The following SPOP variants were observed in gnomAD, a reference collection of about 807,000 sequenced individuals.
SPOP encodes speckle type BTB/POZ protein, also known as speckle-type POZ protein.
Under a neutral mutation model 45.6 loss-of-function variants are expected in SPOP, and 11 were observed. That is an observed-to-expected ratio of 0.24 (90% CI 0.15 to 0.40). The LOEUF is 0.40. Among genes scored for constraint, SPOP ranks in the 10% least tolerant of loss-of-function variants. The probability of loss-of-function intolerance (pLI) is 1.00; values close to 1 mark genes in which losing one functional copy is unlikely to be tolerated. For missense variants in SPOP, 152 were observed against 465.6 expected (o/e 0.33, Z 6.20); for synonymous variants, 166 against 166.3 (o/e 1.00, Z 0.01).
In SPOP at chr17:49,663,614, A is replaced by C. The variant is rs72837293; in HGVS notation, c.-67+14319T>G. ...TCTGTAAAAAAACTGGGAAGTATGC[A>C]TAAAGCACTTCTGCAAGATACTCAA... On this transcript the variant is annotated intron_variant, in intron 1 of 9. Transcript: ENST00000504102. 9.7e-3 allele frequency among the ~76,000 whole-genome samples: 1,482 copies of C among 152,362 alleles called. 10 individuals are homozygous for C. Among genetic ancestry groups the C allele is most frequent in the African/African-American group, 0.019 (774 of 41,588 alleles).
At chr17:49,666,791 G>A (rs2073065378) in intron 1 of SPOP, among the ~76,000 whole-genome samples, 1 of 152,074 alleles carries the variant, frequency 6.6e-6, no homozygotes, top group African/African-American at 2.4e-5. Flanking sequence ...TCGCACCACT[G>A]CAACTCCAGC....
chr17:49,631,064 T>G (rs1269124157), intron 1 of SPOP, among the ~76,000 whole-genome samples: 1 of 152,244 alleles, frequency 6.6e-6, no homozygotes, highest in Non-Finnish European at 1.5e-5. Flanking sequence ...ACAATCTCTG[T>G]GAAGGGCAAT....
intron 1 of SPOP, among the ~76,000 whole-genome samples, chr17:49,639,856 T>C (rs1426093242): frequency 6.6e-6 from 1 of 151,846 alleles, no homozygotes; most frequent in East Asian, 1.9e-4. Flanking sequence ...CAATGATATA[T>C]TTCTAGGTCT....
At chr17:49,605,004 A>G (rs1426184425) in intron 8 of SPOP, among the ~76,000 whole-genome samples, 2 of 152,148 alleles carry the variant, frequency 1.3e-5, no homozygotes, top group Non-Finnish European at 2.9e-5. Context: ...GATAGCAACT[A>G]TTTGTCTTGG....
intron 1 of SPOP, among the ~76,000 whole-genome samples, chr17:49,623,878 C>T (rs1416071737): frequency 6.6e-6 from 1 of 152,062 alleles, no homozygotes; most frequent in East Asian, 1.9e-4. Context: ...TTCTCTGTGT[C>T]AATTTTTTGT....
At chr17:49,637,667 A>G (rs2143411915) in intron 1 of SPOP, among the ~76,000 whole-genome samples, 1 of 152,144 alleles carries the variant, frequency 6.6e-6, no homozygotes. Flanking sequence ...TAGTTCTTCT[A>G]ATAAACTGAC....
chr17:49,665,324 C>T (rs1317895559), intron 1 of SPOP, among the ~76,000 whole-genome samples: 1 of 151,922 alleles, frequency 6.6e-6, no homozygotes, highest in Admixed American at 6.6e-5. Flanking sequence ...TTAAAATATA[C>T]CAATTTGGGG....
chr17:49,640,018 G>C (rs1044664829), intron 1 of SPOP, among the ~76,000 whole-genome samples: 1 of 152,172 alleles, frequency 6.6e-6, no homozygotes, highest in Non-Finnish European at 1.5e-5. Flanking sequence ...GGGAGGCTGA[G>C]GAGGGAGGAT....
chr17:49,632,271 T>C (rs2072464614), intron 1 of SPOP, among the ~76,000 whole-genome samples: 2 of 152,168 alleles, frequency 1.3e-5, no homozygotes, highest in African/African-American at 2.4e-5. Flanking sequence ...ATTGAGTACA[T>C]TACAAAACTA....
chr17:49,623,518 T>G (rs1464396592), intron 1 of SPOP, among the ~76,000 whole-genome samples: 1 of 152,186 alleles, frequency 6.6e-6, no homozygotes, highest in African/African-American at 2.4e-5. Context: ...TGCCATGGGC[T>G]CCTTCCTTTG....
intron 3 of SPOP, chr17:49,620,605 A>G (rs534479290): frequency 6.5e-6 from 1 of 154,336 alleles, no homozygotes; most frequent in Admixed American, 6.5e-5. Context: ...CACAGACAAA[A>G]GTAAATTATC....
intron 5 of SPOP, 130 bp from the exon 6 acceptor site, chr17:49,611,587 C>A (rs1002672636): frequency 3.7e-6 from 3 of 817,196 alleles, no homozygotes; most frequent in Middle Eastern, 3.3e-4. Flanking sequence ...CTTGAAACCA[C>A]CTCCACAAAT....
chr17:49,638,861 A>T (rs1430755449), intron 1 of SPOP, among the ~76,000 whole-genome samples: 1 of 152,072 alleles, frequency 6.6e-6, no homozygotes. Context: ...AAAATAACAA[A>T]AGTTAGCCAG....
intron 1 of SPOP, among the ~76,000 whole-genome samples, chr17:49,656,286 T>C (rs1345763152): frequency 2.0e-5 from 3 of 152,226 alleles, no homozygotes; most frequent in Non-Finnish European, 4.4e-5. Flanking sequence ...GATCATTATT[T>C]AAATAATCCA....
At chr17:49,621,535 T>G (rs2072221735) in intron 3 of SPOP, among the ~76,000 whole-genome samples, 1 of 152,224 alleles carries the variant, frequency 6.6e-6, no homozygotes, top group Non-Finnish European at 1.5e-5. Flanking sequence ...TTTCTTGCTT[T>G]TCTTGAAAAA....
intron 1 of SPOP, among the ~76,000 whole-genome samples, chr17:49,651,471 A>C (rs2072842236): frequency 6.6e-6 from 1 of 152,232 alleles, no homozygotes; most frequent in African/African-American, 2.4e-5. Context: ...GGAGTTACAA[A>C]GATAAATTTG....
At position 49,619,702 on chromosome 17, in the gene SPOP, T is replaced by A. The variant is rs1205655653; in HGVS notation, c.201-317A>T. On this transcript the variant is annotated intron_variant, in intron 3 of 9. Transcript: ENST00000504102. This position sits in a 1 kb window ranked among gnomAD's most constrained non-coding sequence, Gnocchi z 4.9. ...ATGTGCACCACCATGGCCAGCTAAT[T>A]TTTGTAGAGATGGGGTTTCGCCATA... 1.3e-5 allele frequency among the ~76,000 whole-genome samples: 2 copies of A among 152,044 alleles called. No homozygotes were observed. Among genetic ancestry groups the A allele is most frequent in the Non-Finnish European group, 2.9e-5 (2 of 68,000 alleles).
At chr17:49,620,611 T>C (rs1406461114) in intron 3 of SPOP, 1 of 153,970 alleles carries the variant, frequency 6.5e-6, no homozygotes, top group East Asian at 1.9e-4. Flanking sequence ...CAAAAGTAAA[T>C]TATCATTACG....
At chr17:49,613,805 TAGAA>T (rs1458451717) in intron 5 of SPOP, among the ~76,000 whole-genome samples, 2 of 152,200 alleles carry the variant, frequency 1.3e-5, no homozygotes, top group African/African-American at 4.8e-5. Context: ...ACTTTTAACT[TAGAA>T]AGGGATTGTT....
Sources: gnomAD v4.1 joint callset for allele counts (sites outside exome capture counted in the v4.1 genomes callset) on GRCh38, gnomAD v4.1.1 for gene constraint, Gnocchi (gnomAD v3.1) non-coding constraint, MANE v1.5 for transcripts, NCBI Gene and HGNC (gene_info 2026-07-23, HGNC 2026-07-21) for gene names.